ORC2: variants seen among roughly 807,000 people sequenced by gnomAD.
The protein encoded by ORC2 is origin recognition complex protein 2 homolog.
In ORC2, 37 loss-of-function variants were observed where a neutral mutation model predicts 77.7. The observed-to-expected ratio is 0.48, with a 90% CI of 0.37 to 0.63. The LOEUF (loss-of-function observed/expected upper bound fraction) is 0.63, where lower values mean the gene tolerates loss of function less well. Ranked by LOEUF, ORC2 falls within the 20% of genes least tolerant of loss-of-function variation. The probability of loss-of-function intolerance (pLI) is 0.00; values close to 1 mark genes in which losing one functional copy is unlikely to be tolerated. For synonymous variants in ORC2, 201 were observed against 229.5 expected (o/e 0.88, Z 1.12); for missense variants, 557 against 661.9 (o/e 0.84, Z 1.74).
rs2041622918 is a variant in ORC2, at chr2:200,963,556, C to T, written c.-126G>A. 7 of 398,516 alleles carry T rather than the reference C, an allele frequency of 1.8e-5. No individual in the cohort carries two copies. In the South Asian group the frequency reaches 8.9e-4, roughly 51 times the overall value. 24.7% of individuals were successfully genotyped at this position (398,516 alleles called of 1,614,324 possible). ...GGCCGAACGACACCCCGCTGAGTCGCCGCCGCAGGGAAGGTACCTTCGGCC... is the reference window on the plus strand; with the variant it reads ...GGCCGAACGACACCCCGCTGAGTCGTCGCCGCAGGGAAGGTACCTTCGGCC... On this transcript the variant is annotated 5_prime_UTR_variant, in exon 1 of 18. Coordinates refer to ENST00000234296, the MANE Select transcript of ORC2 (RefSeq NM_006190.5).
At chr2:200,937,764 G>C (rs1286904420) in intron 8 of ORC2, 142 bp downstream of exon 8, 12 of 607,706 alleles carry the variant, frequency 2.0e-5, no homozygotes, top group Non-Finnish European at 3.2e-5. Flanking sequence ...CAATGTGAAA[G>C]ACATGGTGCT....
At chr2:200,951,919 A>T (rs1166074100) in intron 4 of ORC2, among the ~76,000 whole-genome samples, 3 of 152,198 alleles carry the variant, frequency 2.0e-5, no homozygotes, top group Non-Finnish European at 2.9e-5. Context: ...ATATTTTCTA[A>T]GAAAACTTTC....
chr2:200,913,734 T>C, intron 16 of ORC2, 197 bp downstream of exon 16: 1 of 1,369,044 alleles, frequency 7.3e-7, no homozygotes, highest in Non-Finnish European at 9.4e-7. Flanking sequence ...GTCTTTCAAT[T>C]TGTGTTGGCA....
intron 12 of ORC2, 25 bp downstream of exon 12, chr2:200,926,743 T>G: frequency 6.2e-7 from 1 of 1,610,526 alleles, no homozygotes; most frequent in Non-Finnish European, 8.5e-7. Flanking sequence ...ATAATGTTTT[T>G]CCCTTTAACA....
rs1177505672 is a variant in ORC2, at chr2:200,919,512, C to T, written c.1466+710G>A. On this transcript the variant is annotated intron_variant, in intron 15 of 17. Coordinates refer to ENST00000234296, the MANE Select transcript of ORC2 (RefSeq NM_006190.5). The stretch of plus-strand genomic sequence containing the variant: ...TAGCTGAGACTACAGGTGCGTGCCA[C>T]CACACCTGGCTAATTTTTGTATTTT... Among the ~76,000 whole-genome samples the T allele has an allele frequency of 3.9e-5, 6 of 152,300 alleles. No homozygotes were observed. In the East Asian group the frequency reaches 5.8e-4, roughly 15 times the overall value.
At chr2:200,940,032 G>C (rs1486682616) in intron 7 of ORC2, among the ~76,000 whole-genome samples, 1 of 152,136 alleles carries the variant, frequency 6.6e-6, no homozygotes, top group Non-Finnish European at 1.5e-5. Flanking sequence ...TGTCTATACT[G>C]ACTGTGGAGA....
chr2:200,955,391 AC>A (rs1040884205), intron 4 of ORC2, among the ~76,000 whole-genome samples: 20 of 152,272 alleles, frequency 1.3e-4, no homozygotes, highest in African/African-American at 4.3e-4. Context: ...ATATGACTCT[AC>A]CCCCATAGTT....
In ORC2 at chr2:200,913,398, T is replaced by C. The variant is rs1194817732; in HGVS notation, c.1544A>G (p.Asp515Gly). The C allele has an allele frequency of 3.8e-6, 6 of 1,590,808 alleles. No homozygotes were observed. The part of the protein sequence containing the change: ...NPSYIGLSFQ[D>G]FYQQCREAFL... ...TGCCTCCCGACACTGCTGGTAAAAA[T>C]CTTGAAAAGAAAGGCCTGGCAAGTT... Residue 515 changes from aspartate (D) to glycine (G), a missense_variant, in exon 17 of 18, where the codon GAT (aspartate) becomes GGT (glycine). Transcript: ENST00000234296.
chr2:200,931,325 A>T lies in ORC2; in HGVS notation c.917+14T>A. The stretch of plus-strand genomic sequence containing the variant: ...ATTCTTTATTTTACAAGGGTTTGTA[A>T]TGATAATACTTACTGTAATTGCAGC... On this transcript the variant is annotated intron_variant, in intron 11 of 17. Coordinates refer to ENST00000234296, the MANE Select transcript of ORC2 (RefSeq NM_006190.5). The T allele has an allele frequency of 9.7e-7, 1 of 1,034,044 alleles. No individual in the cohort carries two copies. The highest frequency in any genetic ancestry group is 1.4e-6 in the Non-Finnish European group (1 of 705,830). 64.1% of individuals were successfully genotyped at this position (1,034,044 alleles called of 1,614,324 possible).
At position 200,941,693 on chromosome 2, in the gene ORC2, A is replaced by C. The variant is rs73059147; in HGVS notation, c.422-414T>G. On this transcript the variant is annotated intron_variant, in intron 6 of 17. Coordinates refer to ENST00000234296, the MANE Select transcript of ORC2 (RefSeq NM_006190.5). ...GAGCCCTTTTAAATTTTGATTATTG[A>C]AAAGTACAACTGTCCAGGAGCGGTG... Among the ~76,000 whole-genome samples, 605 of 152,200 alleles carry C rather than the reference A, an allele frequency of 4.0e-3. 3 individuals carry two copies. Among genetic ancestry groups the C allele is most frequent in the African/African-American group, 0.014 (572 of 41,534 alleles).
chr2:200,937,473 G>A (rs756246508), intron 8 of ORC2, among the ~76,000 whole-genome samples: 27 of 152,152 alleles, frequency 1.8e-4, no homozygotes, highest in Non-Finnish European at 3.5e-4. Flanking sequence ...TCAACATTAT[G>A]AAAGGTGTTG....
chr2:200,955,630 T>A (rs1012706724), intron 4 of ORC2, among the ~76,000 whole-genome samples: 7 of 152,166 alleles, frequency 4.6e-5, no homozygotes, highest in African/African-American at 1.7e-4. Context: ...ATAAAACACA[T>A]GTACATGAAG....
chr2:200,962,748 G>A (rs2041603478), intron 1 of ORC2, among the ~76,000 whole-genome samples: 1 of 152,282 alleles, frequency 6.6e-6, no homozygotes, highest in African/African-American at 2.4e-5. Context: ...TCCGTTTAAC[G>A]TGCAGTGCCC....
At chr2:200,941,443 A>C (rs1166971989) in intron 6 of ORC2, among the ~76,000 whole-genome samples, 164 bp from the exon 7 acceptor site, 1 of 151,332 alleles carries the variant, frequency 6.6e-6, no homozygotes, top group Non-Finnish European at 1.5e-5. Flanking sequence ...GGAGTTCAAG[A>C]CCAACCTGAG....
intron 15 of ORC2, among the ~76,000 whole-genome samples, chr2:200,918,526 T>C (rs1386247055): frequency 6.6e-6 from 1 of 151,646 alleles, no homozygotes; most frequent in Non-Finnish European, 1.5e-5. Flanking sequence ...GCTCACTCTG[T>C]CACCCAGGCT....
At chr2:200,920,126 C>T (rs1238778742) in intron 15 of ORC2, 96 bp downstream of exon 15, 1 of 843,596 alleles carries the variant, frequency 1.2e-6, no homozygotes, top group Non-Finnish European at 1.8e-6. Flanking sequence ...CTTAATCCTT[C>T]AACTAACTAG....
At chr2:200,953,359 T>A (rs2041400914) in intron 4 of ORC2, among the ~76,000 whole-genome samples, 1 of 151,798 alleles carries the variant, frequency 6.6e-6, no homozygotes, top group Non-Finnish European at 1.5e-5. Flanking sequence ...AACGATATGT[T>A]AAATTTAAAA....
intron 15 of ORC2, among the ~76,000 whole-genome samples, chr2:200,915,701 C>T (rs1282074276): frequency 6.8e-6 from 1 of 146,488 alleles, no homozygotes; most frequent in Non-Finnish European, 1.5e-5. Flanking sequence ...TCAATGAACA[C>T]TTTTTTTTTT....
Position 200,938,869 on chromosome 2 carries a change from G to A in ORC2, c.454-903C>T, listed in dbSNP as rs1177423772. On this transcript the variant is annotated intron_variant, in intron 7 of 17. Coordinates refer to ENST00000234296, the MANE Select transcript of ORC2 (RefSeq NM_006190.5). Reference sequence around the variant, plus strand: ...AGCCTGACCAACATGGAGAAATCCCGTCTCTACTAAAAATACAAAATTAGC... The same window carrying A: ...AGCCTGACCAACATGGAGAAATCCCATCTCTACTAAAAATACAAAATTAGC... Among the ~76,000 whole-genome samples, 4 of 152,024 alleles carry A rather than the reference G, an allele frequency of 2.6e-5. 1 individual carries two copies. The highest frequency in any genetic ancestry group is 6.8e-3 in the Middle Eastern group (2 of 294).
Sources: gnomAD v4.1 joint callset for allele counts (sites outside exome capture counted in the v4.1 genomes callset) on GRCh38, gnomAD v4.1.1 for gene constraint, MANE v1.5 for transcripts, NCBI Gene and HGNC (gene_info 2026-07-23, HGNC 2026-07-21) for gene names.